The following AHI1 variants were observed in gnomAD, a reference collection of about 807,000 sequenced individuals.
The protein encoded by AHI1 is jouberin.
In AHI1, 123 loss-of-function variants were observed where a neutral mutation model predicts 149.3. The observed-to-expected ratio is 0.82, with a 90% CI of 0.71 to 0.96. The LOEUF is 0.96. AHI1 is among the 40% of genes least tolerant of loss of function. The probability of loss-of-function intolerance (pLI) is 0.00; values close to 1 mark genes in which losing one functional copy is unlikely to be tolerated. For missense variants in AHI1, 1,439 were observed against 1,422.7 expected, an observed-to-expected ratio of 1.01 and a Z score of -0.18; for synonymous variants, 475 against 459.8, an observed-to-expected ratio of 1.03 and a Z score of -0.42.
chr6:135,443,971 C>T (rs17064516), intron 13 of AHI1, among the ~76,000 whole-genome samples: 3,308 of 152,242 alleles, frequency 0.022, 122 homozygotes, highest in African/African-American at 0.074. Context: ...GCCCAATCAC[C>T]TAGGCTGAAA....
At chr6:135,288,934 C>T (rs1397708724) in intron 28 of AHI1, among the ~76,000 whole-genome samples, 1 of 151,978 alleles carries the variant, frequency 6.6e-6, no homozygotes, top group African/African-American at 2.4e-5. Flanking sequence ...CGGGAATCCA[C>T]ATCCCATTTT....
At chr6:135,290,642 G>T in intron 27 of AHI1, 117 bp from the exon 28 acceptor site, 1 of 925,950 alleles carries the variant, frequency 1.1e-6, no homozygotes, top group Non-Finnish European at 1.7e-6. Context: ...ATAAATGTGA[G>T]GATATGACAG....
chr6:135,355,730 C>A (rs1489234803), intron 24 of AHI1, among the ~76,000 whole-genome samples: 1 of 152,074 alleles, frequency 6.6e-6, no homozygotes, highest in East Asian at 1.9e-4. Flanking sequence ...GAAACCCCAT[C>A]TCTACTAAAA....
intron 23 of AHI1, among the ~76,000 whole-genome samples, chr6:135,388,622 G>T (rs3827780): frequency 6.6e-6 from 1 of 152,006 alleles, no homozygotes; most frequent in Admixed American, 6.5e-5. Flanking sequence ...CTTAAAAACA[G>T]TAAAAAATTT....
intron 20 of AHI1, among the ~76,000 whole-genome samples, chr6:135,416,393 C>T (rs764319843): frequency 1.3e-5 from 2 of 151,070 alleles, no homozygotes; most frequent in African/African-American, 4.9e-5. Context: ...GTTTAACTGA[C>T]CCATTGTACC....
At chr6:135,378,880 G>A (rs1446616862) in intron 23 of AHI1, among the ~76,000 whole-genome samples, 1 of 151,808 alleles carries the variant, frequency 6.6e-6, no homozygotes, top group African/African-American at 2.4e-5. Flanking sequence ...TGTCTTTCTG[G>A]GTAAGAAACA....
chr6:135,352,301 TCA>T (rs1792241105), intron 24 of AHI1, among the ~76,000 whole-genome samples: 2 of 152,172 alleles, frequency 1.3e-5, no homozygotes, highest in Non-Finnish European at 2.9e-5. Context: ...GATGCCCAAA[TCA>T]CATTTTCCAA....
intron 26 of AHI1, among the ~76,000 whole-genome samples, chr6:135,303,392 T>C (rs1018643330): frequency 2.6e-5 from 4 of 152,210 alleles, no homozygotes; most frequent in African/African-American, 7.2e-5. Flanking sequence ...TAGATATACC[T>C]TTTCCATATA....
At chr6:135,388,764 C>A (rs899849594) in intron 23 of AHI1, among the ~76,000 whole-genome samples, 3 of 152,052 alleles carry the variant, frequency 2.0e-5, no homozygotes, top group African/African-American at 7.3e-5. Context: ...GTAATCCCAG[C>A]ACTTTGGGAG....
At chr6:135,426,190 C>G (rs1407633239) in intron 20 of AHI1, among the ~76,000 whole-genome samples, 2 of 151,696 alleles carry the variant, frequency 1.3e-5, no homozygotes, top group Admixed American at 1.3e-4. Context: ...TTGCTAATGT[C>G]TGCTTGTAAT....
intron 5 of AHI1, among the ~76,000 whole-genome samples, chr6:135,488,309 T>C (rs897407158): frequency 8.5e-5 from 13 of 152,184 alleles, no homozygotes; most frequent in Non-Finnish European, 1.6e-4. Context: ...TATCTTTCTA[T>C]GTCCTCATCA....
chr6:135,290,223 T>A (rs1782167480), intron 28 of AHI1, among the ~76,000 whole-genome samples, 200 bp downstream of exon 28: 1 of 152,156 alleles, frequency 6.6e-6, no homozygotes, highest in Non-Finnish European at 1.5e-5. Flanking sequence ...CTGGAGACAA[T>A]CTGATTTATG....
chr6:135,461,000 T>TCTATGACCCAATAGCAACTACAAAG (rs1562227242), intron 8 of AHI1, among the ~76,000 whole-genome samples: 21 of 151,102 alleles, frequency 1.4e-4, no homozygotes, highest in Admixed American at 4.0e-4. Flanking sequence ...GAAAAATATC[T>TCTATGACCCAATAGCAACTACAAAG]TCAGAACTTA....
At chr6:135,494,025 G>A (rs948507012) in intron 3 of AHI1, among the ~76,000 whole-genome samples, 28 of 152,174 alleles carry the variant, frequency 1.8e-4, no homozygotes, top group African/African-American at 6.3e-4. Context: ...GTGATGGAGT[G>A]AGGTAATATT....
At chr6:135,436,521 T>A (rs139102053) in intron 15 of AHI1, among the ~76,000 whole-genome samples, 1 of 152,226 alleles carries the variant, frequency 6.6e-6, no homozygotes, top group East Asian at 1.9e-4. Flanking sequence ...CTCCTGATGG[T>A]GTAGAAAAAG....
intron 23 of AHI1, among the ~76,000 whole-genome samples, chr6:135,371,281 A>G (rs1377269207): frequency 6.6e-6 from 1 of 152,212 alleles, no homozygotes; most frequent in East Asian, 1.9e-4. Context: ...ATATCCAAAT[A>G]TGCCTTCCTT....
chr6:135,364,079 C>G (rs1348416295), intron 23 of AHI1, among the ~76,000 whole-genome samples: 1 of 151,570 alleles, frequency 6.6e-6, no homozygotes. Flanking sequence ...GCTGACCCCC[C>G]CACCTCCCTC....
intron 5 of AHI1, among the ~76,000 whole-genome samples, chr6:135,479,973 C>A (rs1055638785): frequency 2.6e-5 from 4 of 152,208 alleles, no homozygotes; most frequent in African/African-American, 9.6e-5. Flanking sequence ...GAAGACTGTG[C>A]CTGCTTCCCA....
At chr6:135,389,783 C>T (rs1241043573) in intron 23 of AHI1, among the ~76,000 whole-genome samples, 2 of 152,160 alleles carry the variant, frequency 1.3e-5, no homozygotes, top group African/African-American at 2.4e-5. Context: ...TGCTGTCCTT[C>T]AAATATAAAC....
Sources: gnomAD v4.1 joint callset for allele counts (sites outside exome capture counted in the v4.1 genomes callset) on GRCh38, gnomAD v4.1.1 for gene constraint, MANE v1.5 for transcripts, NCBI Gene and HGNC (gene_info 2026-07-23, HGNC 2026-07-21) for gene names.